Variants in MUC5B observed in about 807,000 individuals in gnomAD.
The protein encoded by MUC5B is mucin-5B.
A neutral mutation model predicts 376.9 loss-of-function variants in MUC5B; 116 were observed. That is an observed-to-expected ratio of 0.31 (90% confidence interval 0.26 to 0.36). The LOEUF is 0.36. MUC5B is among the 10% of genes least tolerant of loss of function. The pLI, the probability that MUC5B is intolerant of heterozygous loss-of-function variation, is 1.00. For synonymous variants in MUC5B, 3,517 were observed against 3,390.9 expected, an observed-to-expected ratio of 1.04 and a Z score of -1.29; for missense variants, 7,165 against 7,769.9, an observed-to-expected ratio of 0.92 and a Z score of 2.93.
At position 1,237,060 on chromosome 11, in the gene MUC5B, C is replaced by G. The variant is rs761825253; in HGVS notation, c.3193C>G (p.Leu1065Val). The G allele has an allele frequency of 6.3e-7, 1 of 1,583,150 alleles. No individual in the cohort carries two copies. The highest frequency in any genetic ancestry group is 8.6e-7 in the Non-Finnish European group (1 of 1,163,316). ...GCTCTCCCCCTCCTGCCCGGACGCCCTGGCACCCAAGGACCCCTGCACGGC... is the reference window on the plus strand; with the variant it reads ...GCTCTCCCCCTCCTGCCCGGACGCCGTGGCACCCAAGGACCCCTGCACGGC... The part of the protein sequence containing the change: ...WKLSPSCPDA[L>V]APKDPCTANP... The change falls in exon 25 of 49, where the codon CTG (leucine) becomes GTG (valine). Residue 1065 changes from leucine (L) to valine (V), a missense_variant. By Grantham distance (32) the Leu-to-Val change is conservative. This residue lies in a region of MUC5B where 143 missense variants were observed against 193.2 expected (regional missense o/e 0.74). Transcript: ENST00000529681.
intron 38 of MUC5B, 146 bp from the exon 39 acceptor site, chr11:1,256,525 G>A (rs1437118391): frequency 8.7e-5 from 6 of 68,850 alleles, no homozygotes; most frequent in Middle Eastern, 7.2e-3. Flanking sequence ...ACCCGTCCCC[G>A]CCCCCAGCCC....
chr11:1,224,957 G>A (rs1861848179), intron 1 of MUC5B, among the ~76,000 whole-genome samples: 1 of 152,208 alleles, frequency 6.6e-6, no homozygotes, highest in African/African-American at 2.4e-5. Flanking sequence ...AACCCAAACT[G>A]GGCAGACAAT....
Position 1,227,786 on chromosome 11 carries a change from G to A in MUC5B, c.774+5G>A, listed in dbSNP as rs1208009873. 5 of 703,312 alleles carry A rather than the reference G, an allele frequency of 7.1e-6. No individual in the cohort carries two copies. The highest frequency in any genetic ancestry group is 1.1e-5 in the Non-Finnish European group (4 of 374,068). The allele number at this position is 703,312 out of a possible 1,614,324, so 43.6% of individuals were successfully genotyped here. On this transcript the variant is annotated splice_donor_5th_base_variant and intron_variant, in intron 7 of 48. Coordinates refer to ENST00000529681, the MANE Select transcript of MUC5B (RefSeq NM_002458.3). Reference sequence around the variant, plus strand: ...GCCGGCAACTGCACGGACGAGGTGAGTCCCCCGCCACCCCCAGCTCCTGGG... The same window carrying A: ...GCCGGCAACTGCACGGACGAGGTGAATCCCCCGCCACCCCCAGCTCCTGGG...
At chr11:1,231,877 G>A (rs1862036454) in intron 14 of MUC5B, 119 bp from the exon 15 acceptor site, 1 of 1,385,838 alleles carries the variant, frequency 7.2e-7, no homozygotes, top group Admixed American at 2.2e-5. Context: ...TCTGGGAGCA[G>A]AATCCTGGGA....
chr11:1,248,445 C>A lies in MUC5B; in HGVS notation c.11565C>A (p.Ser3855=). The part of the protein sequence containing the change: ...RATGSVATPS[S]TPGTAHTTKV... ...CCGGCTCTGTGGCCACCCCCTCTTCCACCCCAGGAACAGCTCACACTACCA... is the reference window on the plus strand; with the variant it reads ...CCGGCTCTGTGGCCACCCCCTCTTCAACCCCAGGAACAGCTCACACTACCA... The change falls in exon 31 of 49, where the codon TCC becomes TCA. Residue 3855 remains serine, a synonymous_variant. Transcript: ENST00000529681. 1.9e-6 allele frequency: 3 copies of A among 1,610,248 alleles called. No homozygotes were observed. Among genetic ancestry groups the A allele is most frequent in the Non-Finnish European group, 2.5e-6 (3 of 1,177,794 alleles).
At position 1,231,117 on chromosome 11, in the gene MUC5B, A is replaced by C. The variant is rs568151997; in HGVS notation, c.1540+112A>C. 21 of 1,067,606 alleles carry C rather than the reference A, an allele frequency of 2.0e-5. No homozygotes were observed. In the African/African-American group the frequency reaches 3.2e-4, roughly 16 times the overall value. The allele number at this position is 1,067,606 out of a possible 1,614,324, so 66.1% of individuals were successfully genotyped here. ...CTGCTAGTTCTCCGTGGCCTCGGGC[A>C]GCTCCAGGAGCTCCCTGTGCTCGGT... On this transcript the variant is annotated intron_variant, in intron 13 of 48. Coordinates refer to ENST00000529681, the MANE Select transcript of MUC5B (RefSeq NM_002458.3).
rs761006687 is a variant in MUC5B at position 1,242,735 on chromosome 11, A to T, written c.5855A>T (p.Lys1952Ile). The T allele has an allele frequency of 2.5e-6, 4 of 1,609,782 alleles. No individual in the cohort carries two copies. The Admixed American group carries it at 6.7e-5, about 27-fold the overall frequency. The change falls in exon 31 of 49, where the codon AAA (lysine) becomes ATA (isoleucine). Residue 1952 changes from lysine (K) to isoleucine (I), a missense_variant. Transcript: ENST00000529681. ...ACCACACCCACAGTCACCAGCTCCA[A>T]AGCCACTCCCTCCTCCAGTCCAGGG... The part of the protein sequence containing the change: ...TATTPTVTSS[K>I]ATPSSSPGTA...
Position 1,248,529 on chromosome 11 carries a change from G to T in MUC5B, c.11649G>T (p.Thr3883=). The change falls in exon 31 of 49, where the codon ACG becomes ACT. Residue 3883 remains threonine, a synonymous_variant. Coordinates refer to ENST00000529681, the MANE Select transcript of MUC5B (RefSeq NM_002458.3). ...FTVTPSSSPG[T]ARTPPVWIST... The stretch of plus-strand genomic sequence containing the variant: ...TCACCCCCTCCTCCAGCCCAGGGAC[G>T]GCACGCACGCCTCCAGTGTGGATCA... 6.2e-7 allele frequency: 1 copy of T among 1,612,616 alleles called. No homozygotes were observed. Among genetic ancestry groups the T allele is most frequent in the Non-Finnish European group, 8.5e-7 (1 of 1,179,528 alleles).
At position 1,226,599 on chromosome 11, in the gene MUC5B, C is replaced by T. The variant is rs1861887585; in HGVS notation, c.200-16C>T. On this transcript the variant is annotated splice_polypyrimidine_tract_variant and intron_variant, in intron 3 of 48. Transcript: ENST00000529681. ...GGGCTGGCATGGGGATGGGCCTCAT[C>T]CCGCGCTCCCCACAGCCCTGAACCC... is the stretch of plus-strand genomic sequence containing the variant. The T allele has an allele frequency of 6.3e-7, 1 of 1,599,862 alleles. No homozygotes were observed. Among genetic ancestry groups the T allele is most frequent in the Non-Finnish European group, 8.5e-7 (1 of 1,174,276 alleles).
At chr11:1,231,127 G>C in intron 13 of MUC5B, 122 bp downstream of exon 13, 3 of 1,019,650 alleles carry the variant, frequency 2.9e-6, no homozygotes, top group Non-Finnish European at 4.2e-6. Context: ...AGCTCCAGGA[G>C]CTCCCTGTGC....
At position 1,246,145 on chromosome 11, in the gene MUC5B, G is replaced by T. The variant is rs2133832653; in HGVS notation, c.9265G>T (p.Ala3089Ser). 1 of 1,611,716 alleles carries T rather than the reference G, an allele frequency of 6.2e-7. No individual in the cohort carries two copies. The highest frequency in any genetic ancestry group is 1.3e-5 in the African/African-American group (1 of 74,180). The change falls in exon 31 of 49, where the codon GCC becomes TCC. Residue 3089 changes from alanine (A) to serine (S), a missense_variant. By Grantham distance (99) the Ala-to-Ser change is moderately conservative. This residue lies in a region of MUC5B where 939 missense variants were observed against 770.6 expected (regional missense o/e 1.22). Transcript: ENST00000529681. The stretch of plus-strand genomic sequence containing the variant: ...CCCAGAACAGACCACCACACCCATG[G>T]CCACCATGTCCACAATCCACCCCTC... ...TLPEQTTTPM[A>S]TMSTIHPSST...
At position 1,246,387 on chromosome 11, in the gene MUC5B, T is replaced by C; in HGVS notation, c.9507T>C (p.Thr3169=). Residue 3169 remains threonine, a synonymous_variant, in exon 31 of 49, where the codon ACT becomes ACC. Coordinates refer to ENST00000529681, the MANE Select transcript of MUC5B (RefSeq NM_002458.3). The stretch of plus-strand genomic sequence containing the variant: ...CCTGGATCCTCACAGAGCCCAGCAC[T>C]ACAGCCACCGTGACGGTGCCCACCG... The part of the protein sequence containing the change: ...GTTWILTEPS[T]TATVTVPTGS... 3.1e-6 allele frequency: 5 copies of C among 1,611,068 alleles called. No individual in the cohort carries two copies. Among genetic ancestry groups the C allele is most frequent in the Non-Finnish European group, 4.2e-6 (5 of 1,179,042 alleles).
In MUC5B at chr11:1,229,257, G is replaced by A; in HGVS notation, c.1064G>A (p.Cys355Tyr). 1 of 1,591,956 alleles carries A rather than the reference G, an allele frequency of 6.3e-7. No individual in the cohort carries two copies. The highest frequency in any genetic ancestry group is 8.5e-7 in the Non-Finnish European group (1 of 1,172,580). The change falls in exon 9 of 49, where the codon TGC (cysteine) becomes TAC (tyrosine). Residue 355 changes from cysteine (C) to tyrosine (Y), a missense_variant. By Grantham distance (194) the Cys-to-Tyr change is radical (BLOSUM62 -2). Around this residue, in one of 31 missense-constraint regions of MUC5B, gnomAD observed 640 missense variants for 733.0 expected, o/e 0.87. Coordinates refer to ENST00000529681, the MANE Select transcript of MUC5B (RefSeq NM_002458.3). ...TCSNPQRAQL[C>Y]EDHCVDGCFC... Reference sequence around the variant, plus strand: ...TCCAACCCCCAGCGCGCGCAGCTCTGCGAGGACCACTGTGTGGACGGCTGC... The same window carrying A: ...TCCAACCCCCAGCGCGCGCAGCTCTACGAGGACCACTGTGTGGACGGCTGC...
At chr11:1,229,407 C>A in intron 9 of MUC5B, 112 bp downstream of exon 9, 1 of 1,273,586 alleles carries the variant, frequency 7.9e-7, no homozygotes, top group Non-Finnish European at 1.1e-6. Flanking sequence ...GAAGGTCCCA[C>A]CAGAGGGCCC....
intron 25 of MUC5B, among the ~76,000 whole-genome samples, chr11:1,238,505 C>T (rs1862203001): frequency 6.6e-6 from 1 of 152,146 alleles, no homozygotes; most frequent in African/African-American, 2.4e-5. Flanking sequence ...CTATGCTCCA[C>T]ATGGGTTTGA....
In MUC5B at chr11:1,246,707, C is replaced by A. The variant is rs1412182710; in HGVS notation, c.9827C>A (p.Thr3276Asn). ...TCCTCTACTCCAGAGACTGTCCACA[C>A]CTCCACAGTGCTTACCACCACGACC... Reference protein sequence around the residue: ...TPSSTPETVHTSTVLTTTTTT... With the variant: ...TPSSTPETVHNSTVLTTTTTT... Residue 3276 changes from threonine to asparagine, a missense_variant, in exon 31 of 49, where the codon ACC becomes AAC. Around this residue, in one of 31 missense-constraint regions of MUC5B, gnomAD observed 939 missense variants for 770.6 expected, o/e 1.22. Coordinates refer to ENST00000529681, the MANE Select transcript of MUC5B (RefSeq NM_002458.3). The A allele has an allele frequency of 6.2e-7, 1 of 1,610,324 alleles. No individual in the cohort carries two copies. The highest frequency in any genetic ancestry group is 8.5e-7 in the Non-Finnish European group (1 of 1,177,600).
chr11:1,228,835 C>T, intron 8 of MUC5B, 70 bp downstream of exon 8: 3 of 740,154 alleles, frequency 4.1e-6, no homozygotes, highest in Non-Finnish European at 3.7e-6. Context: ...CCTTGGGGGC[C>T]ACTGGGGGTG....
chr11:1,249,599 C>A lies in MUC5B; in HGVS notation c.12719C>A (p.Pro4240His). Residue 4240 changes from proline (P) to histidine (H), a missense_variant, in exon 31 of 49, where the codon CCC becomes CAC. Pro to His is a moderately conservative substitution (Grantham distance 77). Around this residue, in one of 31 missense-constraint regions of MUC5B, gnomAD observed 431 missense variants for 390.4 expected, o/e 1.10. Coordinates refer to ENST00000529681, the MANE Select transcript of MUC5B (RefSeq NM_002458.3). ...STPATSSTAMPSSTPGTTWIL... is the reference protein window; with the variant it reads ...STPATSSTAMHSSTPGTTWIL... Reference sequence around the variant, plus strand: ...CCGGCCACCAGCTCTACGGCCATGCCCTCCTCCACTCCGGGGACGACCTGG... The same window carrying A: ...CCGGCCACCAGCTCTACGGCCATGCACTCCTCCACTCCGGGGACGACCTGG... The A allele has an allele frequency of 1.2e-6, 2 of 1,611,872 alleles. No individual in the cohort carries two copies. Among genetic ancestry groups the A allele is most frequent in the Non-Finnish European group, 1.7e-6 (2 of 1,178,702 alleles).
Position 1,241,727 on chromosome 11 carries a change from T to C in MUC5B, c.4847T>C (p.Leu1616Pro), listed in dbSNP as rs560548309. ...ACAACCCCGCCACCGACCACAGAGC[T>C]GGAGACGGCCACCACCACCACCACC... Reference protein sequence around the residue: ...RATTPPPTTELETATTTTTQA... With the variant: ...RATTPPPTTEPETATTTTTQA... Residue 1616 changes from leucine to proline, a missense_variant, in exon 31 of 49, where the codon CTG becomes CCG. By Grantham distance (98) the Leu-to-Pro change is moderately conservative (BLOSUM62 -3). Around this residue, in one of 31 missense-constraint regions of MUC5B, gnomAD observed 897 missense variants for 779.6 expected, o/e 1.15. Coordinates refer to ENST00000529681, the MANE Select transcript of MUC5B (RefSeq NM_002458.3). 6.8e-6 allele frequency: 11 copies of C among 1,612,294 alleles called. No individual in the cohort carries two copies. The African/African-American group carries it at 1.5e-4, about 22-fold the overall frequency.
Sources: allele counts gnomAD v4.1 joint callset (sites outside exome capture counted in the v4.1 genomes callset), GRCh38; gene constraint gnomAD v4.1.1; regional missense constraint gnomAD v4.1.1; transcripts MANE v1.5; gene names NCBI Gene and HGNC (gene_info 2026-07-23, HGNC 2026-07-21).